The following ZNF407 variants were observed in gnomAD, a reference collection of about 807,000 sequenced individuals.
ZNF407 encodes the protein zinc finger protein 407.
In ZNF407, 17 loss-of-function variants were observed where a neutral mutation model predicts 131.2. The ratio of observed to expected loss-of-function variants is 0.13; its 90% confidence interval spans 0.09 to 0.19. The LOEUF (loss-of-function observed/expected upper bound fraction) is 0.19. Among genes scored for constraint, ZNF407 ranks in the 10% least tolerant of loss-of-function variants. The pLI is 1.00. For missense variants in ZNF407, 2,681 were observed against 2,830.6 expected (o/e 0.95, Z 1.20); for synonymous variants, 1,156 against 1,062.0 (o/e 1.09, Z -1.72).
At chr18:74,616,090 A>G (rs1983278605) in intron 1 of ZNF407, among the ~76,000 whole-genome samples, 2 of 152,116 alleles carry the variant, frequency 1.3e-5, no homozygotes, top group East Asian at 1.9e-4. Context: ...TCTTTTGTCA[A>G]TGGGTGATTG....
At chr18:74,735,874 T>G (rs1968400422) in intron 3 of ZNF407, among the ~76,000 whole-genome samples, 1 of 152,214 alleles carries the variant, frequency 6.6e-6, no homozygotes, top group Non-Finnish European at 1.5e-5. Context: ...TCAAGGGTGC[T>G]TCTCTCAAAA....
chr18:74,672,485 G>T (rs1319354548), intron 3 of ZNF407, among the ~76,000 whole-genome samples: 2 of 150,856 alleles, frequency 1.3e-5, no homozygotes, highest in Non-Finnish European at 3.0e-5. Flanking sequence ...AGCACCGTTT[G>T]TCTGTTCGTT....
intron 3 of ZNF407, among the ~76,000 whole-genome samples, chr18:74,650,348 A>G (rs191420602): frequency 1.3e-5 from 2 of 151,864 alleles, no homozygotes; most frequent in Admixed American, 1.3e-4. Context: ...ATCATGTAGC[A>G]CTCCTGCCTA....
chr18:74,934,110 G>A (rs745395101), intron 8 of ZNF407, among the ~76,000 whole-genome samples: 51 of 151,974 alleles, frequency 3.4e-4, no homozygotes, highest in Admixed American at 7.2e-4. Flanking sequence ...TCTTAGTGTC[G>A]TTTGTTGAGT....
chr18:74,620,013 T>C (rs1983450855), intron 1 of ZNF407, among the ~76,000 whole-genome samples: 1 of 113,508 alleles, frequency 8.8e-6, no homozygotes, highest in Non-Finnish European at 1.9e-5. Flanking sequence ...CCCTTTTTTC[T>C]ATCCCAATAA....
chr18:74,861,349 G>C (rs1970934768), intron 4 of ZNF407, among the ~76,000 whole-genome samples: 2 of 152,164 alleles, frequency 1.3e-5, no homozygotes, highest in Admixed American at 1.3e-4. Context: ...AAATCCAAAT[G>C]TTTAGTTTGC....
chr18:74,641,384 T>C (rs1984708978), intron 3 of ZNF407, among the ~76,000 whole-genome samples: 1 of 152,218 alleles, frequency 6.6e-6, no homozygotes, highest in Non-Finnish European at 1.5e-5. Context: ...TTATAGGATG[T>C]TCATTCACAT....
intron 4 of ZNF407, among the ~76,000 whole-genome samples, chr18:74,819,300 T>G (rs1362956449): frequency 6.6e-6 from 1 of 152,230 alleles, no homozygotes; most frequent in African/African-American, 2.4e-5. Context: ...CTACATAATT[T>G]TTATGAGCAA....
At chr18:74,777,274 A>T (rs1027863397) in intron 3 of ZNF407, among the ~76,000 whole-genome samples, 1 of 152,124 alleles carries the variant, frequency 6.6e-6, no homozygotes, top group Admixed American at 6.5e-5. Context: ...CTGTTTTTAC[A>T]CCAAAACAAA....
intron 4 of ZNF407, among the ~76,000 whole-genome samples, chr18:74,791,764 G>A (rs372156844): frequency 1.8e-4 from 28 of 152,172 alleles, no homozygotes; most frequent in African/African-American, 1.9e-4. Context: ...TTAAAAAGGC[G>A]TTTATCCTGT....
intron 4 of ZNF407, among the ~76,000 whole-genome samples, chr18:74,837,205 CT>C (rs1021365216): frequency 1.2e-4 from 19 of 152,218 alleles, no homozygotes; most frequent in African/African-American, 4.6e-4. Context: ...AGGAATTTTA[CT>C]TTTCAAATGG....
intron 8 of ZNF407, among the ~76,000 whole-genome samples, chr18:75,035,005 T>G (rs1973291190): frequency 6.6e-6 from 1 of 152,184 alleles, no homozygotes; most frequent in Non-Finnish European, 1.5e-5. Context: ...TACATAATAT[T>G]CACTCATGAA....
chr18:75,012,448 T>C (rs34101210), intron 8 of ZNF407, among the ~76,000 whole-genome samples: 87,244 of 119,608 alleles, frequency 0.73, 33,401 homozygotes, highest in Non-Finnish European at 0.81. Context: ...ATCTACAGTG[T>C]ACAATGCTGA....
chr18:74,921,109 G>A (rs1394227308), intron 8 of ZNF407: 2 of 750,790 alleles, frequency 2.7e-6, no homozygotes, highest in Non-Finnish European at 3.2e-6. Context: ...TGCCTAGAAA[G>A]AATGTGACCT....
intron 7 of ZNF407, chr18:74,905,653 CTG>C (rs1434786520): frequency 6.6e-6 from 1 of 152,190 alleles, no homozygotes; most frequent in African/African-American, 2.4e-5. Context: ...AGAAATATAA[CTG>C]AGAAATGGAG....
intron 8 of ZNF407, among the ~76,000 whole-genome samples, chr18:74,963,775 T>TC (rs1568284738): frequency 6.6e-6 from 1 of 152,222 alleles, no homozygotes; most frequent in South Asian, 2.1e-4. Flanking sequence ...TTAGAATAAT[T>TC]CCATTTTGTT....
intron 4 of ZNF407, among the ~76,000 whole-genome samples, chr18:74,869,787 A>G (rs184972216): frequency 6.6e-6 from 1 of 152,330 alleles, no homozygotes; most frequent in East Asian, 1.9e-4. Context: ...CTTTTGTGCT[A>G]CAACAGCAGA....
At chr18:75,022,252 C>T (rs1259136385) in intron 8 of ZNF407, among the ~76,000 whole-genome samples, 1 of 152,136 alleles carries the variant, frequency 6.6e-6, no homozygotes, top group Non-Finnish European at 1.5e-5. Context: ...TGGACATTAA[C>T]TTGATGATGT....
At chr18:74,882,039 A>G (rs752988668) in intron 6 of ZNF407, among the ~76,000 whole-genome samples, 8 of 152,138 alleles carry the variant, frequency 5.3e-5, no homozygotes, top group Non-Finnish European at 1.0e-4. Flanking sequence ...ACAGCACAAG[A>G]AAGACCTGCT....
Sources: gnomAD v4.1 joint callset for allele counts (sites outside exome capture counted in the v4.1 genomes callset) on GRCh38, gnomAD v4.1.1 for gene constraint, MANE v1.5 for transcripts, NCBI Gene and HGNC (gene_info 2026-07-23, HGNC 2026-07-21) for gene names.